Variants in RAB6B observed in about 807,000 individuals in gnomAD.
RAB6B encodes ras-related protein Rab-6B.
In RAB6B, 7 loss-of-function variants were observed where a neutral mutation model predicts 31.2. The observed-to-expected ratio is 0.22, with a 90% CI of 0.13 to 0.42. RAB6B has a LOEUF of 0.42. Among genes scored for constraint, RAB6B ranks in the 10% least tolerant of loss-of-function variants. RAB6B has a pLI of 1.00. For missense variants in RAB6B, 149 were observed against 280.6 expected, an observed-to-expected ratio of 0.53 and a Z score of 3.35; for synonymous variants, 105 against 104.9, an observed-to-expected ratio of 1.00 and a Z score of -0.01.
chr3:133,855,549 A>G (rs143705720), intron 2 of RAB6B, among the ~76,000 whole-genome samples: 112 of 152,350 alleles, frequency 7.4e-4, no homozygotes, highest in Middle Eastern at 6.8e-3. Context: ...AAAGCTACCC[A>G]TAATGTGCAA....
intron 4 of RAB6B, among the ~76,000 whole-genome samples, chr3:133,840,110 G>T (rs1167835874): frequency 6.6e-6 from 1 of 152,096 alleles, no homozygotes; most frequent in East Asian, 1.9e-4. Context: ...CCCCACCATG[G>T]GAGCTCAGGA....
At chr3:133,881,754 C>G (rs930963925) in intron 1 of RAB6B, among the ~76,000 whole-genome samples, 51 of 152,200 alleles carry the variant, frequency 3.4e-4, no homozygotes, top group African/African-American at 1.2e-3. Flanking sequence ...GAGTGCTTCA[C>G]AGGTTGGACC....
At chr3:133,858,354 T>C (rs1025056215) in intron 2 of RAB6B, among the ~76,000 whole-genome samples, 6 of 152,236 alleles carry the variant, frequency 3.9e-5, no homozygotes, top group African/African-American at 1.4e-4. Context: ...TCTTAACATG[T>C]TTTTAAAGGA....
intron 2 of RAB6B, among the ~76,000 whole-genome samples, chr3:133,846,123 C>T (rs182854055): frequency 8.9e-4 from 135 of 152,240 alleles, no homozygotes; most frequent in African/African-American, 3.1e-3. Flanking sequence ...TTCAAGCACT[C>T]CTAGGACAAT....
intron 1 of RAB6B, among the ~76,000 whole-genome samples, chr3:133,868,374 G>A (rs1407289530): frequency 6.6e-6 from 1 of 152,224 alleles, no homozygotes; most frequent in Non-Finnish European, 1.5e-5. Context: ...GTAGCATGGG[G>A]CATCCCAGCA....
At chr3:133,861,724 G>A (rs965242374) in intron 2 of RAB6B, among the ~76,000 whole-genome samples, 2 of 152,222 alleles carry the variant, frequency 1.3e-5, no homozygotes, top group Non-Finnish European at 2.9e-5. Context: ...TGAACGAGAG[G>A]GGAGTAGTGG....
At chr3:133,881,537 G>T (rs372863722) in intron 1 of RAB6B, among the ~76,000 whole-genome samples, 26 of 152,308 alleles carry the variant, frequency 1.7e-4, no homozygotes, top group Admixed American at 5.9e-4. Flanking sequence ...ATGCCTGGAG[G>T]CCCAGCTTCT....
At chr3:133,863,762 T>C (rs1936195405) in intron 2 of RAB6B, among the ~76,000 whole-genome samples, 1 of 152,190 alleles carries the variant, frequency 6.6e-6, no homozygotes, top group Non-Finnish European at 1.5e-5. Flanking sequence ...TCCACTAGTG[T>C]AGAAAAATGC....
Position 133,827,989 on chromosome 3 carries a change from G to A in RAB6B, c.*799C>T, listed in dbSNP as rs1323600567. 6 of 702,708 alleles carry A rather than the reference G, an allele frequency of 8.5e-6. No homozygotes were observed. The highest frequency in any genetic ancestry group is 2.7e-5 in the East Asian group (1 of 37,294). 43.5% of individuals were successfully genotyped at this position (702,708 alleles called of 1,614,324 possible). A position where few individuals can be genotyped will look rare whatever the true frequency, so the allele number is the denominator to read the frequency against. ...CAGCTGCAATTGCCAACAGCACCTCGTCCTTCTGATGGCCTCTTGCTCTGC... is the reference window on the plus strand; with the variant it reads ...CAGCTGCAATTGCCAACAGCACCTCATCCTTCTGATGGCCTCTTGCTCTGC... On this transcript the variant is annotated 3_prime_UTR_variant, in exon 8 of 8. Coordinates refer to ENST00000285208, the MANE Select transcript of RAB6B (RefSeq NM_016577.4).
chr3:133,833,509 CTG>C (rs1935686933), intron 7 of RAB6B, among the ~76,000 whole-genome samples: 1 of 152,206 alleles, frequency 6.6e-6, no homozygotes, highest in Middle Eastern at 3.2e-3. Context: ...CCCTCCAGGC[CTG>C]TGTCAGGCTC....
intron 1 of RAB6B, among the ~76,000 whole-genome samples, chr3:133,889,440 A>ATATATATATATATT (rs1936606167): frequency 1.0e-5 from 1 of 99,524 alleles, no homozygotes; most frequent in Non-Finnish European, 2.0e-5. Context: ...ATATATATAT[A>ATATATATATATATT]TATATTTATT....
chr3:133,880,095 G>A (rs910637884), intron 1 of RAB6B, among the ~76,000 whole-genome samples: 2 of 152,210 alleles, frequency 1.3e-5, no homozygotes, highest in East Asian at 1.9e-4. Context: ...CATAGTTGTA[G>A]AGAAGGAGGA....
At chr3:133,854,070 A>T (rs941580587) in intron 2 of RAB6B, among the ~76,000 whole-genome samples, 2 of 152,218 alleles carry the variant, frequency 1.3e-5, no homozygotes, top group African/African-American at 4.8e-5. Flanking sequence ...GCCTCTCATA[A>T]GGCACACTGG....
At chr3:133,858,995 T>C (rs1236736251) in intron 2 of RAB6B, among the ~76,000 whole-genome samples, 1 of 152,178 alleles carries the variant, frequency 6.6e-6, no homozygotes. Flanking sequence ...GACTGACTGA[T>C]TGAAATAGGG....
chr3:133,894,490 C>T (rs552575321), intron 1 of RAB6B: 1 of 152,480 alleles, frequency 6.6e-6, no homozygotes, highest in East Asian at 1.9e-4. Flanking sequence ...GACCTCCCCT[C>T]CCCCAAGAAG....
chr3:133,867,753 C>A (rs183544551), intron 1 of RAB6B, among the ~76,000 whole-genome samples: 2 of 152,258 alleles, frequency 1.3e-5, no homozygotes, highest in African/African-American at 2.4e-5. Flanking sequence ...TTGTGGGGTA[C>A]AAGGAGGGCT....
chr3:133,864,520 G>T lies in RAB6B; in HGVS notation c.129+64C>A. On this transcript the variant is annotated intron_variant, in intron 2 of 7. Coordinates refer to ENST00000285208, the MANE Select transcript of RAB6B (RefSeq NM_016577.4). ...GCCATTCCACTCCCACCCCAGCTCA[G>T]CAAGTTTCAAAGAGAGGTCAGCCAC... 3.9e-6 allele frequency: 6 copies of T among 1,534,914 alleles called. No homozygotes were observed. In the South Asian group the frequency reaches 6.7e-5, roughly 17 times the overall value.
chr3:133,835,300 G>A (rs1202632667), intron 6 of RAB6B, among the ~76,000 whole-genome samples: 1 of 152,128 alleles, frequency 6.6e-6, no homozygotes, highest in Non-Finnish European at 1.5e-5. Context: ...TGTGTTGTGA[G>A]TGGTGCGTGT....
chr3:133,891,678 A>G (rs1936639564), intron 1 of RAB6B, among the ~76,000 whole-genome samples: 1 of 152,206 alleles, frequency 6.6e-6, no homozygotes, highest in Admixed American at 6.5e-5. Context: ...AGAGAGAAGG[A>G]GTGGGACGGA....
Sources: gnomAD v4.1 joint callset for allele counts (sites outside exome capture counted in the v4.1 genomes callset) on GRCh38, gnomAD v4.1.1 for gene constraint, MANE v1.5 for transcripts, NCBI Gene and HGNC (gene_info 2026-07-23, HGNC 2026-07-21) for gene names.